SCHIP1: variants seen among roughly 807,000 people sequenced by gnomAD.
SCHIP1 encodes schwannomin interacting protein 1, also known as schwannomin-interacting protein 1.
In SCHIP1, 8 loss-of-function variants were observed where a neutral mutation model predicts 29.7. The observed-to-expected ratio is 0.27, with a 90% CI of 0.16 to 0.49. The LOEUF is 0.49. Ranked by LOEUF, SCHIP1 falls within the 20% of genes least tolerant of loss-of-function variation. SCHIP1 has a pLI of 0.99. For synonymous variants in SCHIP1, 76 were observed against 94.9 expected, an observed-to-expected ratio of 0.80 and a Z score of 1.16; for missense variants, 193 against 294.6, an observed-to-expected ratio of 0.66 and a Z score of 2.52.
the SCHIP1 span, among the ~76,000 whole-genome samples, chr3:159,759,799 C>A: frequency 6.6e-6 from 1 of 152,136 alleles, no homozygotes; most frequent in Non-Finnish European, 1.5e-5. Flanking sequence ...CTAAATGCCA[C>A]GACTTAAGGT....
chr3:159,435,782 G>T, the SCHIP1 span, among the ~76,000 whole-genome samples: 1 of 152,156 alleles, frequency 6.6e-6, no homozygotes, highest in Admixed American at 6.6e-5. Context: ...GGCCAAGTGT[G>T]TGATGCTCCT....
the SCHIP1 span, among the ~76,000 whole-genome samples, chr3:159,711,169 T>C: frequency 6.6e-6 from 1 of 151,730 alleles, no homozygotes. Context: ...TTTCGGAGTA[T>C]GTTCAAAATG....
At chr3:159,503,914 G>T in the SCHIP1 span, among the ~76,000 whole-genome samples, 1 of 152,176 alleles carries the variant, frequency 6.6e-6, no homozygotes. Context: ...TCAGAGTCTA[G>T]ATAGAGAACT....
chr3:159,346,686 A>G, the SCHIP1 span, among the ~76,000 whole-genome samples: 2 of 152,238 alleles, frequency 1.3e-5, no homozygotes, highest in South Asian at 4.2e-4. Context: ...ATAATCACCC[A>G]CAGCACCCCC....
At chr3:159,691,831 A>T in the SCHIP1 span, among the ~76,000 whole-genome samples, 1 of 152,004 alleles carries the variant, frequency 6.6e-6, no homozygotes, top group South Asian at 2.1e-4. Context: ...CTTGTCTGGA[A>T]ATGATTTTAT....
chr3:159,499,632 A>G, the SCHIP1 span, among the ~76,000 whole-genome samples: 4 of 152,156 alleles, frequency 2.6e-5, no homozygotes, highest in Non-Finnish European at 5.9e-5. Context: ...ATGTAGCCCC[A>G]CCTCCAGGTG....
chr3:159,527,506 T>C, the SCHIP1 span, among the ~76,000 whole-genome samples: 3 of 152,356 alleles, frequency 2.0e-5, no homozygotes, highest in South Asian at 2.1e-4. Context: ...GTTGTAAGCA[T>C]TGATGGATTT....
At chr3:159,735,149 A>G in the SCHIP1 span, among the ~76,000 whole-genome samples, 1 of 151,924 alleles carries the variant, frequency 6.6e-6, no homozygotes, top group Non-Finnish European at 1.5e-5. Context: ...TCCAATAATA[A>G]GCTTAAAAAG....
At chr3:159,364,439 G>A in the SCHIP1 span, among the ~76,000 whole-genome samples, 1 of 152,136 alleles carries the variant, frequency 6.6e-6, no homozygotes, top group Admixed American at 6.5e-5. Context: ...GACCCACAGA[G>A]AAAGAAATCT....
the SCHIP1 span, among the ~76,000 whole-genome samples, chr3:159,832,874 T>A: frequency 6.6e-6 from 1 of 152,232 alleles, no homozygotes; most frequent in African/African-American, 2.4e-5. Flanking sequence ...TTAAGCTATT[T>A]TGAGAGAGAG....
chr3:159,314,957 C>T, the SCHIP1 span, among the ~76,000 whole-genome samples: 1 of 152,162 alleles, frequency 6.6e-6, no homozygotes, highest in Non-Finnish European at 1.5e-5. Context: ...AACTGTGCGG[C>T]TATGAACATT....
the SCHIP1 span, among the ~76,000 whole-genome samples, chr3:159,682,253 T>C: frequency 6.2e-4 from 95 of 152,316 alleles, no homozygotes; most frequent in East Asian, 0.015. Context: ...TTTCTTCCTC[T>C]TCCCTTTTTC....
the SCHIP1 span, among the ~76,000 whole-genome samples, chr3:159,542,630 T>C: frequency 6.6e-6 from 1 of 151,814 alleles, no homozygotes; most frequent in Non-Finnish European, 1.5e-5. Context: ...TTGAAAGGAG[T>C]CTAGGAACTG....
chr3:159,720,454 T>C, the SCHIP1 span, among the ~76,000 whole-genome samples: 174 of 152,194 alleles, frequency 1.1e-3, no homozygotes, highest in African/African-American at 4.1e-3. Context: ...TCTCAGTAAA[T>C]ATTAGAAGGA....
chr3:159,855,164 C>T (rs1262179346), intron 1 of SCHIP1, among the ~76,000 whole-genome samples: 2 of 152,210 alleles, frequency 1.3e-5, no homozygotes. Flanking sequence ...GAGGGTTGTT[C>T]TCTTGTCATT....
the SCHIP1 span, among the ~76,000 whole-genome samples, chr3:159,406,012 A>G: frequency 1.3e-5 from 2 of 152,118 alleles, no homozygotes; most frequent in African/African-American, 4.8e-5. Context: ...TTAGATTTAA[A>G]TACACTTAAA....
At chr3:159,673,977 C>T in the SCHIP1 span, among the ~76,000 whole-genome samples, 1 of 152,146 alleles carries the variant, frequency 6.6e-6, no homozygotes, top group Non-Finnish European at 1.5e-5. Flanking sequence ...CCCTGGTACC[C>T]CCTGTTATGA....
the SCHIP1 span, among the ~76,000 whole-genome samples, chr3:159,743,429 C>T: frequency 6.6e-6 from 1 of 152,152 alleles, no homozygotes; most frequent in Non-Finnish European, 1.5e-5. Context: ...TAACAACAAC[C>T]TGGATGAATC....
the SCHIP1 span, among the ~76,000 whole-genome samples, chr3:159,555,361 T>C: frequency 1.3e-5 from 2 of 152,326 alleles, no homozygotes; most frequent in Admixed American, 6.5e-5. Flanking sequence ...CTTACTGTTA[T>C]TTGGCCCTAG....
Sources: gnomAD v4.1 joint callset for allele counts (sites outside exome capture counted in the v4.1 genomes callset) on GRCh38, gnomAD v4.1.1 for gene constraint, MANE v1.5 for transcripts, NCBI Gene and HGNC (gene_info 2026-07-23, HGNC 2026-07-21) for gene names.